The following IRAK3 variants were observed in gnomAD, a reference collection of about 807,000 sequenced individuals.
IRAK3 encodes interleukin-1 receptor-associated kinase 3.
IRAK3 carries 57 observed loss-of-function variants against 56.6 expected under a neutral mutation model. The observed-to-expected ratio is 1.01, with a 90% CI of 0.81 to 1.26. The LOEUF (loss-of-function observed/expected upper bound fraction) is 1.26. Ranked by LOEUF, IRAK3 falls within the 50% of genes most tolerant of loss-of-function variation. The pLI, the probability that IRAK3 is intolerant of heterozygous loss-of-function variation, is 0.00. For missense variants in IRAK3, 703 were observed against 719.0 expected, an observed-to-expected ratio of 0.98 and a Z score of 0.25; for synonymous variants, 258 against 255.7, an observed-to-expected ratio of 1.01 and a Z score of -0.09.
intron 11 of IRAK3, among the ~76,000 whole-genome samples, chr12:66,246,055 T>C (rs1565813240): frequency 9.9e-6 from 1 of 101,238 alleles, no homozygotes; most frequent in African/African-American, 2.8e-5. Context: ...CATAGAATGT[T>C]GGTCCAGCAA....
Position 66,189,361 on chromosome 12 carries a change from C to G in IRAK3, c.62C>G (p.Pro21Arg). The stretch of plus-strand genomic sequence containing the variant: ...GCGCACACGCTGCTGTTCGACCTGC[C>G]GCCCGCGCTGCTCGGAGAGCTCTGC... ...LSAHTLLFDL[P>R]PALLGELCAV... Residue 21 changes from proline to arginine, a missense_variant, in exon 1 of 12, where the codon CCG (proline) becomes CGG (arginine). Coordinates refer to ENST00000261233, the MANE Select transcript of IRAK3 (RefSeq NM_007199.3). The G allele has an allele frequency of 6.5e-6, 10 of 1,530,810 alleles. No homozygotes were observed. The highest frequency in any genetic ancestry group is 8.7e-6 in the Non-Finnish European group (10 of 1,144,900). The allele number at this position is 1,530,810 out of a possible 1,614,324, so 94.8% of individuals were successfully genotyped here. A position where few individuals can be genotyped will look rare whatever the true frequency, so the allele number is the denominator to read the frequency against.
At chr12:66,202,706 G>C (rs1170758260) in intron 1 of IRAK3, among the ~76,000 whole-genome samples, 2 of 152,022 alleles carry the variant, frequency 1.3e-5, no homozygotes, top group Non-Finnish European at 2.9e-5. Flanking sequence ...TTGGGAGGCT[G>C]AGGTGGGAGG....
intron 1 of IRAK3, among the ~76,000 whole-genome samples, chr12:66,200,638 G>C (rs993923138): frequency 6.6e-6 from 1 of 152,200 alleles, no homozygotes; most frequent in Non-Finnish European, 1.5e-5. Context: ...GGAGCATAAA[G>C]TTGAGGTAAA....
intron 1 of IRAK3, among the ~76,000 whole-genome samples, chr12:66,195,723 A>G (rs928631018): frequency 4.6e-5 from 7 of 152,056 alleles, no homozygotes; most frequent in African/African-American, 1.7e-4. Flanking sequence ...GCAATGGTGC[A>G]ATCTTGGCTC....
rs535521918 is a variant in IRAK3, at chr12:66,228,347, G to A, written c.864G>A (p.Ser288=). 2.9e-5 allele frequency: 47 copies of A among 1,613,096 alleles called. No individual in the cohort carries two copies. The highest frequency in any genetic ancestry group is 2.2e-4 in the East Asian group (10 of 44,882). The change falls in exon 8 of 12, where the codon TCG becomes TCA. Residue 288 remains serine, a synonymous_variant. Coordinates refer to ENST00000261233, the MANE Select transcript of IRAK3 (RefSeq NM_007199.3). Reference sequence around the variant, plus strand: ...ACCTGCACAACGTTCAACCATGCTCGGTCATCTGTGGCAGTATATCAAGGT... The same window carrying A: ...ACCTGCACAACGTTCAACCATGCTCAGTCATCTGTGGCAGTATATCAAGGT... The part of the protein sequence containing the change: ...IHYLHNVQPC[S]VICGSISSAN...
At chr12:66,240,156 C>T (rs573066145) in intron 8 of IRAK3, among the ~76,000 whole-genome samples, 1 of 152,188 alleles carries the variant, frequency 6.6e-6, no homozygotes, top group Non-Finnish European at 1.5e-5. Context: ...TTTGAGCCCT[C>T]TGTGAGTGTC....
intron 8 of IRAK3, among the ~76,000 whole-genome samples, chr12:66,230,404 A>G (rs1278609105): frequency 1.3e-5 from 2 of 152,174 alleles, no homozygotes; most frequent in East Asian, 1.9e-4. Flanking sequence ...TATTATTGTC[A>G]TAGAGGCCTC....
chr12:66,189,685 G>C (rs1164957592), intron 1 of IRAK3, among the ~76,000 whole-genome samples: 1 of 152,200 alleles, frequency 6.6e-6, no homozygotes, highest in African/African-American at 2.4e-5. Flanking sequence ...GCCTGGGAAA[G>C]ACAGATAACC....
chr12:66,207,461 G>A (rs557785368), intron 2 of IRAK3, among the ~76,000 whole-genome samples: 1 of 121,356 alleles, frequency 8.2e-6, no homozygotes, highest in South Asian at 3.2e-4. Context: ...GACAAAGTGA[G>A]ACTCCATCTC....
At chr12:66,189,526 G>A (rs2052379420) in intron 1 of IRAK3, 94 bp downstream of exon 1, 4 of 880,344 alleles carry the variant, frequency 4.5e-6, no homozygotes, top group Non-Finnish European at 5.6e-6. Context: ...GTCCCTCGCG[G>A]GGCTGGCGCG....
In IRAK3 at chr12:66,189,320, C is replaced by A. The variant is rs1255270994; in HGVS notation, c.21C>A (p.Ala7=). 1 of 1,533,842 alleles carries A rather than the reference C, an allele frequency of 6.5e-7. No individual in the cohort carries two copies. The highest frequency in any genetic ancestry group is 8.7e-7 in the Non-Finnish European group (1 of 1,146,296). The change falls in exon 1 of 12, where the codon GCC becomes GCA. Residue 7 remains alanine, a synonymous_variant. Coordinates refer to ENST00000261233, the MANE Select transcript of IRAK3 (RefSeq NM_007199.3). ...GAGCCATGGCGGGGAACTGTGGGGC[C>A]CGCGGCGCGCTGTCGGCGCACACGC... MAGNCG[A]RGALSAHTLL...
chr12:66,218,481 T>A (rs2052699331), intron 6 of IRAK3, among the ~76,000 whole-genome samples: 1 of 152,198 alleles, frequency 6.6e-6, no homozygotes. Flanking sequence ...CATAACAAAT[T>A]GTCCTCCAAT....
chr12:66,198,108 C>G, intron 1 of IRAK3: 2 of 984,954 alleles, frequency 2.0e-6, no homozygotes, highest in African/African-American at 3.5e-5. Flanking sequence ...ACTCCTGCTA[C>G]TATTGCCACC....
At chr12:66,239,142 C>T (rs1337933139) in intron 8 of IRAK3, among the ~76,000 whole-genome samples, 2 of 152,104 alleles carry the variant, frequency 1.3e-5, no homozygotes, top group African/African-American at 2.4e-5. Flanking sequence ...GTTTCCAAAG[C>T]AAAGAGATAA....
At chr12:66,232,557 A>T (rs1166561864) in intron 8 of IRAK3, among the ~76,000 whole-genome samples, 4 of 152,178 alleles carry the variant, frequency 2.6e-5, no homozygotes, top group Non-Finnish European at 4.4e-5. Context: ...AATGACAGTC[A>T]GTCCCCAGCA....
At chr12:66,223,755 C>T (rs910736606) in intron 6 of IRAK3, among the ~76,000 whole-genome samples, 13 of 150,232 alleles carry the variant, frequency 8.7e-5, no homozygotes, top group Non-Finnish European at 1.3e-4. Flanking sequence ...GCTCTGTCAC[C>T]TAGGCTGGGG....
intron 8 of IRAK3, among the ~76,000 whole-genome samples, chr12:66,229,593 G>A (rs529425805): frequency 2.6e-5 from 4 of 152,294 alleles, no homozygotes; most frequent in East Asian, 3.9e-4. Flanking sequence ...ACCCATAGAC[G>A]TCTGTGCCTG....
At chr12:66,203,425 A>G (rs1350967811) in intron 1 of IRAK3, among the ~76,000 whole-genome samples, 1 of 152,164 alleles carries the variant, frequency 6.6e-6, no homozygotes, top group Non-Finnish European at 1.5e-5. Context: ...AATATGGAAA[A>G]CTGGATAGGA....
intron 11 of IRAK3, among the ~76,000 whole-genome samples, chr12:66,246,597 C>T (rs1328480470): frequency 1.3e-5 from 2 of 152,168 alleles, no homozygotes; most frequent in East Asian, 1.9e-4. Context: ...ATTGGAAGCC[C>T]GGAGATCCGG....
Sources: allele counts gnomAD v4.1 joint callset (sites outside exome capture counted in the v4.1 genomes callset), GRCh38; gene constraint gnomAD v4.1.1; transcripts MANE v1.5; gene names NCBI Gene and HGNC (gene_info 2026-07-23, HGNC 2026-07-21).